The following UBE2O variants were observed in gnomAD, a reference collection of about 807,000 sequenced individuals.
UBE2O encodes (E3-independent) E2 ubiquitin-conjugating enzyme.
In UBE2O, 15 loss-of-function variants were observed where a neutral mutation model predicts 125.8. The observed-to-expected ratio is 0.12, with a 90% CI of 0.08 to 0.18. The LOEUF is 0.18. Ranked by LOEUF, UBE2O falls within the 10% of genes least tolerant of loss-of-function variation. The probability of loss-of-function intolerance (pLI) is 1.00; values close to 1 mark genes in which losing one functional copy is unlikely to be tolerated. For synonymous variants in UBE2O, 708 were observed against 703.2 expected (o/e 1.01, Z -0.11); for missense variants, 1,280 against 1,723.6 (o/e 0.74, Z 4.56).
chr17:76,396,057 C>A lies in UBE2O; in HGVS notation c.2809+71G>T. On this transcript the variant is annotated intron_variant, in intron 14 of 17. Coordinates refer to ENST00000319380, the MANE Select transcript of UBE2O (RefSeq NM_022066.4). This position sits in a 1 kb window ranked among gnomAD's most constrained non-coding sequence, Gnocchi z 6.7. ...GCGAGGGGACTAACCACCCTGCACC[C>A]AGATCTGGTGACACAAACAGGAGCC... is the stretch of plus-strand genomic sequence containing the variant. The A allele has an allele frequency of 6.4e-7, 1 of 1,550,714 alleles. No individual in the cohort carries two copies. The highest frequency in any genetic ancestry group is 1.2e-5 in the South Asian group (1 of 86,776).
chr17:76,453,145 T>G lies in UBE2O; in HGVS notation c.-4A>C. 1.7e-6 allele frequency: 1 copy of G among 579,284 alleles called. No homozygotes were observed. Among genetic ancestry groups the G allele is most frequent in the Non-Finnish European group, 2.6e-6 (1 of 391,132 alleles). The allele number at this position is 579,284 out of a possible 1,614,324, so 35.9% of individuals were successfully genotyped here. A position where few individuals can be genotyped will look rare whatever the true frequency, so the allele number is the denominator to read the frequency against. On this transcript the variant is annotated 5_prime_UTR_variant, in exon 1 of 18. Transcript: ENST00000319380. ...TGGGGGCTGCGGGATCCGCCATAACTGCTCTGCGCGAGTCTCGGGCGGCGG... is the reference window on the plus strand; with the variant it reads ...TGGGGGCTGCGGGATCCGCCATAACGGCTCTGCGCGAGTCTCGGGCGGCGG...
intron 1 of UBE2O, among the ~76,000 whole-genome samples, chr17:76,424,130 G>C (rs773913812): frequency 1.3e-5 from 2 of 151,070 alleles, no homozygotes; most frequent in Admixed American, 1.3e-4. Flanking sequence ...GGATGGTCTC[G>C]ATCTCCTGAC....
At position 76,395,813 on chromosome 17, in the gene UBE2O, T is replaced by C. The variant is rs1162731585; in HGVS notation, c.2858A>G (p.Lys953Arg). 2 of 1,614,228 alleles carry C rather than the reference T, an allele frequency of 1.2e-6. No homozygotes were observed. The highest frequency in any genetic ancestry group is 2.2e-5 in the East Asian group (1 of 44,882). ...KIEFQPPEAK[K>R]FFSTVRKEMA... ...CTCCTTCCGCACTGTGCTGAAGAAC[T>C]TCTTGGCTTCTGGAGGCTGGAACTC... Residue 953 changes from lysine to arginine, a missense_variant, in exon 15 of 18, where the codon AAG (lysine) becomes AGG (arginine). Lys to Arg is a conservative substitution (Grantham distance 26). Around this residue, in one of 10 missense-constraint regions of UBE2O, gnomAD observed 116 missense variants for 154.8 expected, o/e 0.75. Transcript: ENST00000319380. This position sits in a 1 kb window ranked among gnomAD's most constrained non-coding sequence, Gnocchi z 5.0.
chr17:76,440,858 C>G (rs1357267528), intron 1 of UBE2O, among the ~76,000 whole-genome samples: 1 of 152,234 alleles, frequency 6.6e-6, no homozygotes, highest in South Asian at 2.1e-4. Flanking sequence ...GCCTGCAACA[C>G]TAGGACATTT....
At chr17:76,430,829 C>A (rs1030792779) in intron 1 of UBE2O, 1 of 346,292 alleles carries the variant, frequency 2.9e-6, no homozygotes, top group Non-Finnish European at 5.7e-6. Flanking sequence ...TGGGCTCACA[C>A]CACTGATACC....
chr17:76,400,931 C>G lies in UBE2O; in HGVS notation c.894+80G>C. 6.5e-7 allele frequency: 1 copy of G among 1,544,828 alleles called. No homozygotes were observed. Among genetic ancestry groups the G allele is most frequent in the African/African-American group, 1.4e-5 (1 of 73,684 alleles). The stretch of plus-strand genomic sequence containing the variant: ...AGGAGCGGGGCTCAACCCTCAAGAG[C>G]AGGAAGGAAAGGGGCAGCAGCTCAG... On this transcript the variant is annotated intron_variant, in intron 6 of 17. Coordinates refer to ENST00000319380, the MANE Select transcript of UBE2O (RefSeq NM_022066.4). This position sits in a 1 kb window ranked among gnomAD's most constrained non-coding sequence, Gnocchi z 4.3.
chr17:76,391,075 A>G lies in UBE2O; in HGVS notation c.3747T>C (p.Ser1249=), dbSNP rs568678775. 1.2e-6 allele frequency: 2 copies of G among 1,613,978 alleles called. No homozygotes were observed. Among genetic ancestry groups the G allele is most frequent in the East Asian group, 2.2e-5 (1 of 44,872 alleles). Residue 1249 remains serine (S), a synonymous_variant, in exon 18 of 18, where the codon AGT becomes AGC. Coordinates refer to ENST00000319380, the MANE Select transcript of UBE2O (RefSeq NM_022066.4). The surrounding 1 kb of genome is among the most constrained non-coding windows in gnomAD (Gnocchi z 8.4). ...GGGGGAAGCCGATGTCAGGGTAGCC[A>G]CTCTTCTCAGGTAAGAAGCTCCGGT... ...KSYRSFLPEK[S]GYPDIGFPLF... is the part of the protein sequence containing the mutation.
rs562346084 is a variant in UBE2O at position 76,396,034 on chromosome 17, G to A, written c.2809+94C>T. ...CCTGGGGCAGTAGCTGGGGTCTGGCGAGGGGACTAACCACCCTGCACCCAG... is the reference window on the plus strand; with the variant it reads ...CCTGGGGCAGTAGCTGGGGTCTGGCAAGGGGACTAACCACCCTGCACCCAG... On this transcript the variant is annotated intron_variant, in intron 14 of 17. Coordinates refer to ENST00000319380, the MANE Select transcript of UBE2O (RefSeq NM_022066.4). This position sits in a 1 kb window ranked among gnomAD's most constrained non-coding sequence, Gnocchi z 6.7. The A allele has an allele frequency of 1.2e-5, 18 of 1,493,732 alleles. No individual in the cohort carries two copies. Among genetic ancestry groups the A allele is most frequent in the Admixed American group, 1.9e-5 (1 of 51,606 alleles). The allele number at this position is 1,493,732 out of a possible 1,614,324, so 92.5% of individuals were successfully genotyped here.
rs756242780 is a variant in UBE2O at position 76,402,150 on chromosome 17, G to A, written c.687-23C>T. Reference sequence around the variant, plus strand: ...CACCTAAAACAGAGAACAGAGGTTTGGTCTCCACCAGGGGACACAGTGAGT... The same window carrying A: ...CACCTAAAACAGAGAACAGAGGTTTAGTCTCCACCAGGGGACACAGTGAGT... On this transcript the variant is annotated intron_variant, in intron 4 of 17. Transcript: ENST00000319380. This position sits in a 1 kb window ranked among gnomAD's most constrained non-coding sequence, Gnocchi z 5.4. 2 of 1,612,166 alleles carry A rather than the reference G, an allele frequency of 1.2e-6. No homozygotes were observed. The highest frequency in any genetic ancestry group is 2.2e-5 in the South Asian group (2 of 90,818).
intron 1 of UBE2O, among the ~76,000 whole-genome samples, chr17:76,436,772 A>C (rs1038920114): frequency 1.3e-5 from 2 of 152,184 alleles, no homozygotes; most frequent in African/African-American, 4.8e-5. Flanking sequence ...AATTCAAAAA[A>C]GGTAACGCCT....
In UBE2O at chr17:76,395,750, A is replaced by G; in HGVS notation, c.2921T>C (p.Met974Thr). 6.2e-7 allele frequency: 1 copy of G among 1,614,186 alleles called. No individual in the cohort carries two copies. The highest frequency in any genetic ancestry group is 8.5e-7 in the Non-Finnish European group (1 of 1,180,018). ...CATTCTATCTTCAAAAGTCTTGACC[A>G]TGATGCCCTCAGGCAGTGAGGTAGC... ...LLATSLPEGIMVKTFEDRMDL... is the reference protein window; with the variant it reads ...LLATSLPEGITVKTFEDRMDL... Residue 974 changes from methionine to threonine, a missense_variant, in exon 15 of 18, where the codon ATG becomes ACG. Coordinates refer to ENST00000319380, the MANE Select transcript of UBE2O (RefSeq NM_022066.4). This position sits in a 1 kb window ranked among gnomAD's most constrained non-coding sequence, Gnocchi z 5.0.
intron 1 of UBE2O, among the ~76,000 whole-genome samples, chr17:76,421,739 A>C (rs1249929613): frequency 6.6e-6 from 1 of 152,192 alleles, no homozygotes; most frequent in African/African-American, 2.4e-5. Flanking sequence ...CTGGTAACTG[A>C]TGCCTTGGGA....
At chr17:76,449,317 G>C (rs2073198137) in intron 1 of UBE2O, among the ~76,000 whole-genome samples, 1 of 152,264 alleles carries the variant, frequency 6.6e-6, no homozygotes, top group Non-Finnish European at 1.5e-5. Context: ...GCTTATGCCT[G>C]TAATTCCAGC....
chr17:76,400,966 G>C lies in UBE2O; in HGVS notation c.894+45C>G. ...AGGGGCAGCAGCTCAGCTCCAGGGT[G>C]TGGAGGTCAAGGACTCCATCTCCTA... is the stretch of plus-strand genomic sequence containing the variant. On this transcript the variant is annotated intron_variant, in intron 6 of 17. Transcript: ENST00000319380. The surrounding 1 kb of genome is among the most constrained non-coding windows in gnomAD (Gnocchi z 4.3). The C allele has an allele frequency of 6.2e-7, 1 of 1,607,200 alleles. No individual in the cohort carries two copies. The highest frequency in any genetic ancestry group is 1.1e-5 in the South Asian group (1 of 90,718).
chr17:76,449,790 T>C (rs1014944228), intron 1 of UBE2O, among the ~76,000 whole-genome samples: 7 of 149,404 alleles, frequency 4.7e-5, no homozygotes, highest in African/African-American at 1.7e-4. Context: ...CGTGATGGCG[T>C]ATGCCTGTAA....
rs2072500533 is a variant in UBE2O, at chr17:76,410,674, A to C, written c.418-5102T>G. Reference sequence around the variant, plus strand: ...AGGCTGGGCACTTCTGTTGTGCCCCATTTGAGCTCCCCGAAGCTATGCTGG... The same window carrying C: ...AGGCTGGGCACTTCTGTTGTGCCCCCTTTGAGCTCCCCGAAGCTATGCTGG... On this transcript the variant is annotated intron_variant, in intron 1 of 17. Coordinates refer to ENST00000319380, the MANE Select transcript of UBE2O (RefSeq NM_022066.4). This position sits in a 1 kb window ranked among gnomAD's most constrained non-coding sequence, Gnocchi z 4.0. Among the ~76,000 whole-genome samples, 1 of 152,120 alleles carries C rather than the reference A, an allele frequency of 6.6e-6. No individual in the cohort carries two copies. The highest frequency in any genetic ancestry group is 2.4e-5 in the African/African-American group (1 of 41,442).
At chr17:76,436,208 T>C (rs1467565226) in intron 1 of UBE2O, among the ~76,000 whole-genome samples, 2 of 152,020 alleles carry the variant, frequency 1.3e-5, no homozygotes, top group African/African-American at 2.4e-5. Flanking sequence ...GATAGCACCA[T>C]TGCACTCCAG....
In UBE2O at chr17:76,398,454, A is replaced by T. The variant is rs1055730735; in HGVS notation, c.1896+18T>A. 16 of 1,613,946 alleles carry T rather than the reference A, an allele frequency of 9.9e-6. No individual in the cohort carries two copies. The Admixed American group carries it at 1.8e-4, about 18-fold the overall frequency. On this transcript the variant is annotated intron_variant, in intron 11 of 17. Transcript: ENST00000319380. The surrounding 1 kb of genome is among the most constrained non-coding windows in gnomAD (Gnocchi z 5.4). Reference sequence around the variant, plus strand: ...ACCCCAGAGCCCACCTGAAGCAAGCAGTAGGGGCTGCACACACCTCCACGT... The same window carrying T: ...ACCCCAGAGCCCACCTGAAGCAAGCTGTAGGGGCTGCACACACCTCCACGT...
At chr17:76,424,625 A>T (rs1239204898) in intron 1 of UBE2O, among the ~76,000 whole-genome samples, 2 of 152,110 alleles carry the variant, frequency 1.3e-5, no homozygotes, top group African/African-American at 4.8e-5. Flanking sequence ...CTGTAATTCC[A>T]GCACTTTGGG....
Sources: allele counts gnomAD v4.1 joint callset (sites outside exome capture counted in the v4.1 genomes callset), GRCh38; gene constraint gnomAD v4.1.1; regional missense constraint gnomAD v4.1.1; non-coding constraint Gnocchi (gnomAD v3.1); transcripts MANE v1.5; gene names NCBI Gene and HGNC (gene_info 2026-07-23, HGNC 2026-07-21).